RALYL: variants seen among roughly 807,000 people sequenced by gnomAD.
The protein encoded by RALYL is RALY RNA binding protein like.
A neutral mutation model predicts 35.1 loss-of-function variants in RALYL; 29 were observed. That is an observed-to-expected ratio of 0.83 (90% CI 0.61 to 1.13). The LOEUF (loss-of-function observed/expected upper bound fraction) is 1.13. Ranked by LOEUF, RALYL falls within the 50% of genes most tolerant of loss-of-function variation. RALYL has a pLI of 0.00. For missense variants in RALYL, 359 were observed against 360.4 expected, an observed-to-expected ratio of 1.00 and a Z score of 0.03; for synonymous variants, 120 against 127.6, an observed-to-expected ratio of 0.94 and a Z score of 0.40.
chr8:84,634,708 G>A (rs1824656838), intron 2 of RALYL, among the ~76,000 whole-genome samples: 1 of 151,764 alleles, frequency 6.6e-6, no homozygotes, highest in Admixed American at 6.6e-5. Context: ...AAAAGACTGA[G>A]GAAGGGCTGG....
intron 1 of RALYL, among the ~76,000 whole-genome samples, chr8:84,210,781 A>G (rs11787298): frequency 0.23 from 35,573 of 151,842 alleles, 4,250 homozygotes; most frequent in Non-Finnish European, 0.27. Context: ...ATGCTTGTAC[A>G]AGAGGCAAAT....
intron 1 of RALYL, chr8:84,185,122 T>A: frequency 8.7e-7 from 1 of 1,151,990 alleles, no homozygotes; most frequent in Non-Finnish European, 1.3e-6. Context: ...TTTAAGTGCC[T>A]GCTGGTGTCG....
At chr8:84,553,201 C>T (rs1313032284) in intron 2 of RALYL, among the ~76,000 whole-genome samples, 1 of 152,052 alleles carries the variant, frequency 6.6e-6, no homozygotes, top group Non-Finnish European at 1.5e-5. Context: ...GCTCTGTTGC[C>T]CAGTCCCTGG....
At position 84,813,997 on chromosome 8, in the gene RALYL, G is replaced by GTGCT. The variant is rs565261627; in HGVS notation, c.365+9198_365+9201dup. On this transcript the variant is annotated intron_variant, in intron 4 of 8. Coordinates refer to ENST00000521268, the MANE Select transcript of RALYL (RefSeq NM_173848.7). ...TCCCACCTATGAGTGAGAACATGCA[G>GTGCT]TGCTTGGTTTTTTATCCTTGCGATA... 3.0e-3 allele frequency among the ~76,000 whole-genome samples: 453 copies of GTGCT among 149,746 alleles called. 2 individuals carry two copies. The highest frequency in any genetic ancestry group is 0.011 in the African/African-American group (435 of 40,668).
At chr8:84,282,576 C>A (rs1836781312) in intron 1 of RALYL, among the ~76,000 whole-genome samples, 1 of 151,818 alleles carries the variant, frequency 6.6e-6, no homozygotes, top group African/African-American at 2.4e-5. Context: ...AAAGACCCAG[C>A]CAAAATTTTG....
At chr8:84,423,020 A>G (rs2045862092) in intron 1 of RALYL, among the ~76,000 whole-genome samples, 1 of 149,560 alleles carries the variant, frequency 6.7e-6, no homozygotes, top group South Asian at 2.1e-4. Flanking sequence ...AAAAATGTAT[A>G]TTCTGTTGAT....
chr8:84,469,202 G>T (rs1295015168), intron 1 of RALYL, among the ~76,000 whole-genome samples: 1 of 152,126 alleles, frequency 6.6e-6, no homozygotes, highest in Non-Finnish European at 1.5e-5. Flanking sequence ...GTGTTCCTTT[G>T]GAGGAGGAGA....
In RALYL at chr8:84,621,337, C is replaced by G. The variant is rs112775786; in HGVS notation, c.256+91760C>G. 9.6e-3 allele frequency among the ~76,000 whole-genome samples: 1,455 copies of G among 152,286 alleles called. 23 individuals carry two copies. The highest frequency in any genetic ancestry group is 0.039 in the Admixed American group (590 of 15,300). On this transcript the variant is annotated intron_variant, in intron 2 of 8. Transcript: ENST00000521268. The stretch of plus-strand genomic sequence containing the variant: ...AAGCCCGTCGGAAAAGCGCAGTATT[C>G]GGGTGGGAGCCACCCAATTTTCCAG...
At chr8:84,860,581 TA>T in intron 5 of RALYL, among the ~76,000 whole-genome samples, 1 of 152,210 alleles carries the variant, frequency 6.6e-6, no homozygotes, top group Non-Finnish European at 1.5e-5. Flanking sequence ...CCCCTAGTGG[TA>T]TGGATGATAT....
At chr8:84,870,159 A>G (rs1839937404) in intron 6 of RALYL, among the ~76,000 whole-genome samples, 1 of 152,098 alleles carries the variant, frequency 6.6e-6, no homozygotes, top group African/African-American at 2.4e-5. Flanking sequence ...TTTGTTTGGT[A>G]ATTCTAAATT....
intron 8 of RALYL, among the ~76,000 whole-genome samples, chr8:84,917,466 TACAA>T (rs1848665742): frequency 6.6e-6 from 1 of 151,800 alleles, no homozygotes; most frequent in African/African-American, 2.4e-5. Context: ...TCCTTTGTGT[TACAA>T]ACAATTTAAT....
At chr8:84,195,025 A>C (rs1440218485) in intron 1 of RALYL, among the ~76,000 whole-genome samples, 1 of 152,040 alleles carries the variant, frequency 6.6e-6, no homozygotes, top group African/African-American at 2.4e-5. Context: ...ACGCTCACAT[A>C]ATTAATGCCC....
chr8:84,524,353 C>T (rs1413162715), intron 1 of RALYL, among the ~76,000 whole-genome samples: 2 of 152,166 alleles, frequency 1.3e-5, no homozygotes, highest in Non-Finnish European at 2.9e-5. Context: ...TGAAAAAATG[C>T]TCATCATCCC....
chr8:84,780,899 C>T (rs760161023), intron 3 of RALYL, among the ~76,000 whole-genome samples: 18 of 152,074 alleles, frequency 1.2e-4, no homozygotes, highest in Non-Finnish European at 2.2e-4. Context: ...GCTTCATCAC[C>T]CAGGCTGGAG....
chr8:84,363,688 G>A (rs1257263170), intron 1 of RALYL, among the ~76,000 whole-genome samples: 1 of 152,244 alleles, frequency 6.6e-6, no homozygotes, highest in East Asian at 1.9e-4. Flanking sequence ...GGAGGGGTTG[G>A]GAAGCGTAAA....
intron 2 of RALYL, among the ~76,000 whole-genome samples, chr8:84,773,529 C>T (rs898076677): frequency 6.6e-6 from 1 of 152,164 alleles, no homozygotes; most frequent in Non-Finnish European, 1.5e-5. Flanking sequence ...AATTTCTTAA[C>T]AGTTTTACAT....
In RALYL at chr8:84,514,053, C is replaced by T. The variant is rs1012245831; in HGVS notation, c.-23-15246C>T. Among the ~76,000 whole-genome samples the T allele has an allele frequency of 2.2e-5, 3 of 137,836 alleles. 1 individual carries two copies. Among genetic ancestry groups the T allele is most frequent in the South Asian group, 4.7e-4 (2 of 4,218 alleles). The allele number at this position is 137,836 out of a possible 152,430, so 90.4% of individuals were successfully genotyped here. A position where few individuals can be genotyped will look rare whatever the true frequency, so the allele number is the denominator to read the frequency against. Reference sequence around the variant, plus strand: ...AGGTTGCAGTGAGCCGAAATCACACCACTGCACTCCAGCCTGGGTGACAGT... The same window carrying T: ...AGGTTGCAGTGAGCCGAAATCACACTACTGCACTCCAGCCTGGGTGACAGT... On this transcript the variant is annotated intron_variant, in intron 1 of 8. Coordinates refer to ENST00000521268, the MANE Select transcript of RALYL (RefSeq NM_173848.7).
At chr8:84,777,669 T>A (rs1563581278) in intron 3 of RALYL, among the ~76,000 whole-genome samples, 1 of 152,058 alleles carries the variant, frequency 6.6e-6, no homozygotes, top group Non-Finnish European at 1.5e-5. Context: ...TGAGACAGAG[T>A]CTCAATCGGT....
At chr8:84,613,798 TGCA>T (rs1564237886) in intron 2 of RALYL, among the ~76,000 whole-genome samples, 2 of 150,816 alleles carry the variant, frequency 1.3e-5, no homozygotes, top group Non-Finnish European at 3.0e-5. Context: ...TCCTAATTCA[TGCA>T]AAATTATTAC....
Sources: gnomAD v4.1 joint callset for allele counts (sites outside exome capture counted in the v4.1 genomes callset) on GRCh38, gnomAD v4.1.1 for gene constraint, MANE v1.5 for transcripts, NCBI Gene and HGNC (gene_info 2026-07-23, HGNC 2026-07-21) for gene names.